The following ALG12 variants were observed in gnomAD, a reference collection of about 807,000 sequenced individuals.
ALG12 encodes the protein dol-P-Man:Man(7)GlcNAc(2)-PP-Dol alpha-1,6-mannosyltransferase.
In ALG12, 36 loss-of-function variants were observed where a neutral mutation model predicts 46.0. The observed-to-expected ratio is 0.78, with a 90% CI of 0.60 to 1.03. The LOEUF (loss-of-function observed/expected upper bound fraction) is 1.03. Among genes scored for constraint, ALG12 ranks in the 50% least tolerant of loss-of-function variants. The probability of loss-of-function intolerance (pLI) is 0.00; values close to 1 mark genes in which losing one functional copy is unlikely to be tolerated. For missense variants in ALG12, 599 were observed against 633.5 expected, an observed-to-expected ratio of 0.95 and a Z score of 0.58; for synonymous variants, 326 against 291.6, an observed-to-expected ratio of 1.12 and a Z score of -1.20.
At chr22:49,863,040 C>T in the ALG12 span, among the ~76,000 whole-genome samples, 2 of 152,112 alleles carry the variant, frequency 1.3e-5, no homozygotes, top group Admixed American at 1.3e-4. Context: ...ATTATCCACC[C>T]CACCTCCCGT....
At chr22:49,865,112 A>G in the ALG12 span, among the ~76,000 whole-genome samples, 31 of 152,028 alleles carry the variant, frequency 2.0e-4, no homozygotes, top group African/African-American at 6.8e-4. Context: ...CGTTGTGTGA[A>G]CCTCATAGAG....
At chr22:49,884,715 G>A in the ALG12 span, 2 of 1,597,024 alleles carry the variant, frequency 1.3e-6, no homozygotes, top group South Asian at 2.3e-5. Flanking sequence ...TCCCGCCACT[G>A]TACTCCACCC....
the ALG12 span, among the ~76,000 whole-genome samples, chr22:49,869,313 G>A: frequency 1.3e-5 from 2 of 152,158 alleles, no homozygotes; most frequent in East Asian, 3.8e-4. Context: ...AGAGGCACCC[G>A]TAACAGTGAG....
chr22:49,898,126 A>G (rs192235672), downstream of ALG12, among the ~76,000 whole-genome samples: 1 of 152,076 alleles, frequency 6.6e-6, no homozygotes, highest in African/African-American at 2.4e-5. Context: ...TCAGCCTCCC[A>G]AGTAGCTGGG....
At chr22:49,883,158 T>A in the ALG12 span, among the ~76,000 whole-genome samples, 1 of 152,188 alleles carries the variant, frequency 6.6e-6, no homozygotes, top group Admixed American at 6.5e-5. Context: ...TATTTTGCAA[T>A]TTGGGGGTAT....
chr22:49,876,844 T>C, the ALG12 span, among the ~76,000 whole-genome samples: 6 of 152,226 alleles, frequency 3.9e-5, no homozygotes, highest in African/African-American at 1.4e-4. Flanking sequence ...ATAGGAATTC[T>C]CAGTTGCTGA....
At chr22:49,913,356 CCCT>C (rs1569177910) in intron 3 of ALG12, 26 bp downstream of exon 3, 4 of 1,613,132 alleles carry the variant, frequency 2.5e-6, no homozygotes, top group Non-Finnish European at 3.4e-6. Context: ...GTCCCTCACT[CCCT>C]CCTCCTTTGT....
rs759794733 is a variant in ALG12, at chr22:49,904,040, G to A, written c.1265C>T (p.Pro422Leu). 1.1e-5 allele frequency: 17 copies of A among 1,614,150 alleles called. No individual in the cohort carries two copies. Among genetic ancestry groups the A allele is most frequent in the East Asian group, 8.9e-5 (4 of 44,882 alleles). The change falls in exon 10 of 10, where the codon CCG becomes CTG. Residue 422 changes from proline to leucine, a missense_variant. Pro to Leu is a moderately conservative substitution (Grantham distance 98). Coordinates refer to ENST00000330817, the MANE Select transcript of ALG12 (RefSeq NM_024105.4). The stretch of plus-strand genomic sequence containing the variant: ...TGTGTATGCCAGCATGCCTGTCCCC[G>A]GCTGCACATCCTCCCTCTTGTCGTA... Reference protein sequence around the residue: ...WRYDKREDVQPGTGMLAYTHI... With the variant: ...WRYDKREDVQLGTGMLAYTHI...
chr22:49,909,444 CT>C, intron 5 of ALG12, 97 bp from the exon 6 acceptor site: 1 of 1,264,540 alleles, frequency 7.9e-7, no homozygotes, highest in African/African-American at 1.5e-5. Flanking sequence ...CTACAAGCTG[CT>C]TTCATATAAA....
chr22:49,874,360 T>C, the ALG12 span, among the ~76,000 whole-genome samples: 1 of 152,120 alleles, frequency 6.6e-6, no homozygotes, highest in South Asian at 2.1e-4. Flanking sequence ...CCATATGGTT[T>C]TCCTCCTTTT....
At chr22:49,885,033 G>A in the ALG12 span, 1 of 1,612,582 alleles carries the variant, frequency 6.2e-7, no homozygotes, top group Non-Finnish European at 8.5e-7. Context: ...TGAAAAGACT[G>A]AAGTCGGAGG....
At chr22:49,911,813 T>G (rs9627790) in intron 3 of ALG12, among the ~76,000 whole-genome samples, 17,686 of 152,162 alleles carry the variant, frequency 0.12, 2,979 homozygotes, top group African/African-American at 0.38. Context: ...GTGCTGGAAT[T>G]TCCCCCGGGC....
intron 7 of ALG12, among the ~76,000 whole-genome samples, chr22:49,907,195 T>A (rs1191062193): frequency 1.3e-5 from 2 of 152,078 alleles, no homozygotes; most frequent in African/African-American, 4.8e-5. Context: ...ACGAACGCCC[T>A]TCCTCTACCT....
At chr22:49,907,648 C>T (rs928051099) in intron 7 of ALG12, 73 bp downstream of exon 7, 1 of 1,489,942 alleles carries the variant, frequency 6.7e-7, no homozygotes, top group Non-Finnish European at 9.2e-7. Flanking sequence ...ACACATACAT[C>T]CCCCCAACAG....
the ALG12 span, among the ~76,000 whole-genome samples, chr22:49,878,444 T>C: frequency 6.6e-6 from 1 of 150,710 alleles, no homozygotes; most frequent in African/African-American, 2.4e-5. Flanking sequence ...AATCCAGAAA[T>C]AGATCCACAC....
the ALG12 span, chr22:49,884,292 G>A: frequency 6.2e-7 from 1 of 1,613,090 alleles, no homozygotes; most frequent in Non-Finnish European, 8.5e-7. Context: ...AACTTGTCCA[G>A]AAAGTGGCGT....
At chr22:49,885,821 T>A in the ALG12 span, 1 of 1,574,238 alleles carries the variant, frequency 6.4e-7, no homozygotes, top group Non-Finnish European at 8.7e-7. Context: ...ATGTCCCACC[T>A]TAAGGAAGCT....
At chr22:49,899,979 C>T (rs1036580183), downstream of ALG12, among the ~76,000 whole-genome samples, 6 of 152,078 alleles carry the variant, frequency 3.9e-5, no homozygotes, top group East Asian at 1.9e-4. Context: ...GGCAACACAG[C>T]GAGACCCCAT....
At chr22:49,880,424 A>G in the ALG12 span, among the ~76,000 whole-genome samples, 1 of 152,190 alleles carries the variant, frequency 6.6e-6, no homozygotes, top group South Asian at 2.1e-4. Context: ...GCTCGAGACC[A>G]CCGGGCTCTG....
Sources: gnomAD v4.1 joint callset for allele counts (sites outside exome capture counted in the v4.1 genomes callset) on GRCh38, gnomAD v4.1.1 for gene constraint, MANE v1.5 for transcripts, NCBI Gene and HGNC (gene_info 2026-07-23, HGNC 2026-07-21) for gene names.